The following LRP1B variants were observed in gnomAD, a reference collection of about 807,000 sequenced individuals.
The protein encoded by LRP1B is low-density lipoprotein receptor-related protein 1B.
A neutral mutation model predicts 556.6 loss-of-function variants in LRP1B; 217 were observed. The observed-to-expected ratio is 0.39, with a 90% CI of 0.35 to 0.44. The LOEUF (loss-of-function observed/expected upper bound fraction) is 0.44, where lower values mean the gene tolerates loss of function less well. LRP1B is among the 20% of genes least tolerant of loss of function. The pLI is 1.00. For synonymous variants in LRP1B, 2,047 were observed against 1,865.8 expected, an observed-to-expected ratio of 1.10 and a Z score of -2.50; for missense variants, 5,053 against 5,620.8, an observed-to-expected ratio of 0.90 and a Z score of 3.23.
At chr2:141,307,674 G>C (rs577274887) in intron 3 of LRP1B, among the ~76,000 whole-genome samples, 1 of 152,262 alleles carries the variant, frequency 6.6e-6, no homozygotes, top group East Asian at 1.9e-4. Flanking sequence ...AGGAATGCAT[G>C]CCAGGTGGGT....
intron 3 of LRP1B, among the ~76,000 whole-genome samples, chr2:141,415,098 T>G (rs1032311838): frequency 6.6e-6 from 1 of 152,186 alleles, no homozygotes. Flanking sequence ...CACTGCAAAC[T>G]CCGCCTCCCG....
chr2:141,053,957 C>T (rs532779884), intron 10 of LRP1B, among the ~76,000 whole-genome samples: 1 of 151,934 alleles, frequency 6.6e-6, no homozygotes, highest in South Asian at 2.1e-4. Context: ...AAACTCAGTA[C>T]CCTCAATTAT....
At chr2:141,878,945 C>T (rs1698864164) in intron 1 of LRP1B, among the ~76,000 whole-genome samples, 1 of 151,882 alleles carries the variant, frequency 6.6e-6, no homozygotes. Flanking sequence ...CTAGTACCTC[C>T]ACCATCACCA....
intron 3 of LRP1B, among the ~76,000 whole-genome samples, chr2:141,445,707 T>C: frequency 6.6e-6 from 1 of 152,230 alleles, no homozygotes; most frequent in Non-Finnish European, 1.5e-5. Context: ...GAGCAGGTTG[T>C]TCAGTTTCCA....
chr2:141,842,682 A>G (rs1697515003), intron 1 of LRP1B, among the ~76,000 whole-genome samples: 1 of 152,168 alleles, frequency 6.6e-6, no homozygotes, highest in Non-Finnish European at 1.5e-5. Context: ...TCAATAATAA[A>G]TAACACATGG....
chr2:140,626,979 C>CA (rs1186596531), intron 41 of LRP1B, among the ~76,000 whole-genome samples: 5 of 152,156 alleles, frequency 3.3e-5, no homozygotes, highest in Non-Finnish European at 7.4e-5. Context: ...TACAGCCTCT[C>CA]AAGGGCTCAA....
At chr2:141,022,248 A>T (rs1039436557) in intron 11 of LRP1B, among the ~76,000 whole-genome samples, 1 of 151,760 alleles carries the variant, frequency 6.6e-6, no homozygotes, top group Non-Finnish European at 1.5e-5. Flanking sequence ...TAAAGGAATT[A>T]GCCTAGATTA....
At chr2:141,429,922 A>C (rs1680504521) in intron 3 of LRP1B, among the ~76,000 whole-genome samples, 1 of 152,206 alleles carries the variant, frequency 6.6e-6, no homozygotes, top group Non-Finnish European at 1.5e-5. Context: ...TTATTAAAGG[A>C]ACATAAGAAT....
intron 35 of LRP1B, among the ~76,000 whole-genome samples, chr2:140,737,093 T>G (rs1687972924): frequency 6.6e-6 from 1 of 151,974 alleles, no homozygotes; most frequent in African/African-American, 2.4e-5. Flanking sequence ...AGCCAGAGGG[T>G]GGTTGCCCCA....
At chr2:141,624,615 A>G (rs1688637771) in intron 2 of LRP1B, among the ~76,000 whole-genome samples, 1 of 152,190 alleles carries the variant, frequency 6.6e-6, no homozygotes, top group South Asian at 2.1e-4. Context: ...AGATAGATAT[A>G]GGCCCAAATA....
At chr2:141,480,303 T>C in intron 3 of LRP1B, 93 bp downstream of exon 3, 6 of 1,349,366 alleles carry the variant, frequency 4.4e-6, no homozygotes, top group Non-Finnish European at 6.3e-6. Context: ...ATGCTTGTAG[T>C]TGAAAGAAAA....
intron 7 of LRP1B, among the ~76,000 whole-genome samples, chr2:141,167,038 G>A (rs1680298738): frequency 1.3e-5 from 2 of 151,782 alleles, no homozygotes; most frequent in African/African-American, 2.4e-5. Flanking sequence ...GTTTACTTAG[G>A]AAACTGGTTG....
chr2:141,562,132 G>A (rs531403051), intron 2 of LRP1B, among the ~76,000 whole-genome samples: 11 of 151,898 alleles, frequency 7.2e-5, no homozygotes, highest in Non-Finnish European at 1.2e-4. Flanking sequence ...AAAATAATAG[G>A]TAAGTTATAT....
At chr2:141,049,280 G>T in intron 10 of LRP1B, 58 bp from the exon 11 acceptor site, 2 of 1,078,986 alleles carry the variant, frequency 1.9e-6, no homozygotes, top group Non-Finnish European at 2.8e-6. Context: ...TCTTTACACT[G>T]CATAATGCCA....
At chr2:140,327,687 TTAATATTGA>T in intron 79 of LRP1B, among the ~76,000 whole-genome samples, 1 of 152,156 alleles carries the variant, frequency 6.6e-6, no homozygotes, top group East Asian at 1.9e-4. Context: ...CTTAAAAACA[TTAATATTGA>T]TAATCACAGA....
At chr2:141,127,933 C>A (rs999222126) in intron 7 of LRP1B, among the ~76,000 whole-genome samples, 1 of 152,180 alleles carries the variant, frequency 6.6e-6, no homozygotes, top group South Asian at 2.1e-4. Flanking sequence ...GAACTGTGAG[C>A]TACCAGATAC....
At chr2:140,316,946 A>ATGCTG (rs1684548131) in intron 82 of LRP1B, among the ~76,000 whole-genome samples, 2 of 152,126 alleles carry the variant, frequency 1.3e-5, no homozygotes, top group African/African-American at 4.8e-5. Context: ...TCATTTGTTA[A>ATGCTG]AGTAAGCAAG....
At chr2:140,997,354 T>C (rs774306003) in intron 15 of LRP1B, among the ~76,000 whole-genome samples, 17 of 151,920 alleles carry the variant, frequency 1.1e-4, no homozygotes, top group Non-Finnish European at 2.1e-4. Flanking sequence ...TGTTGGGAAG[T>C]AGGAAATGCT....
chr2:141,048,070 G>A (rs1160164427), intron 11 of LRP1B, among the ~76,000 whole-genome samples: 2 of 152,044 alleles, frequency 1.3e-5, no homozygotes, highest in Non-Finnish European at 2.9e-5. Flanking sequence ...GGTAGATTAT[G>A]AACCCCTTGA....
Sources: gnomAD v4.1 joint callset for allele counts (sites outside exome capture counted in the v4.1 genomes callset) on GRCh38, gnomAD v4.1.1 for gene constraint, MANE v1.5 for transcripts, NCBI Gene and HGNC (gene_info 2026-07-23, HGNC 2026-07-21) for gene names.